Variants in SHC2 observed in about 807,000 individuals in gnomAD.
SHC2 encodes the protein SHC adaptor protein 2.
Under a neutral mutation model 60.6 loss-of-function variants are expected in SHC2, and 62 were observed. The ratio of observed to expected loss-of-function variants is 1.02; its 90% CI spans 0.83 to 1.26. The LOEUF (loss-of-function observed/expected upper bound fraction) is 1.26, where lower values mean the gene tolerates loss of function less well. SHC2 is among the 50% of genes most tolerant of loss of function. SHC2 has a pLI of 0.00. For synonymous variants in SHC2, 375 were observed against 372.4 expected, an observed-to-expected ratio of 1.01 and a Z score of -0.08; for missense variants, 873 against 822.2, an observed-to-expected ratio of 1.06 and a Z score of -0.76.
Position 425,068 on chromosome 19 carries a change from T to C in SHC2, c.1309+29A>G. 7.4e-7 allele frequency: 1 copy of C among 1,358,206 alleles called. No individual in the cohort carries two copies. The highest frequency in any genetic ancestry group is 9.6e-7 in the Non-Finnish European group (1 of 1,046,282). The allele number at this position is 1,358,206 out of a possible 1,614,324, so 84.1% of individuals were successfully genotyped here. A position where few individuals can be genotyped will look rare whatever the true frequency, so the allele number is the denominator to read the frequency against. ...CATCAGACAACACGGCCACACGCGA[T>C]GACGGCCGCCCCCCAGGCTGCCACA... On this transcript the variant is annotated intron_variant, in intron 10 of 12. Transcript: ENST00000264554. This position sits in a 1 kb window ranked among gnomAD's most constrained non-coding sequence, Gnocchi z 4.1.
At position 434,698 on chromosome 19, in the gene SHC2, C is replaced by T. The variant is rs1185864227; in HGVS notation, c.1110+11G>A. 6.2e-7 allele frequency: 1 copy of T among 1,604,324 alleles called. No homozygotes were observed. Among genetic ancestry groups the T allele is most frequent in the Non-Finnish European group, 8.5e-7 (1 of 1,176,486 alleles). ...ATCCCTGTCCCCATCCCCCCGAGGG[C>T]AGAGGCTGACCTGGTCGAGGGCCGT... On this transcript the variant is annotated intron_variant, in intron 8 of 12. Coordinates refer to ENST00000264554, the MANE Select transcript of SHC2 (RefSeq NM_012435.3).
In SHC2 at chr19:440,993, T is replaced by C. The variant is rs1974851522; in HGVS notation, c.469-61A>G. ...ACCCCCGCAGTGGAGCCACGTCCCT[T>C]TTCCCAGCAGCCCTTCGCCGCCTCC... is the stretch of plus-strand genomic sequence containing the variant. On this transcript the variant is annotated intron_variant, in intron 1 of 12. Coordinates refer to ENST00000264554, the MANE Select transcript of SHC2 (RefSeq NM_012435.3). This position sits in a 1 kb window ranked among gnomAD's most constrained non-coding sequence, Gnocchi z 7.0. The C allele has an allele frequency of 6.4e-7, 1 of 1,566,074 alleles. No individual in the cohort carries two copies. Among genetic ancestry groups the C allele is most frequent in the Non-Finnish European group, 8.8e-7 (1 of 1,138,564 alleles).
At chr19:419,517 G>A (rs1235249409) in intron 11 of SHC2, 1 of 152,752 alleles carries the variant, frequency 6.5e-6, no homozygotes, top group Non-Finnish European at 1.5e-5. Flanking sequence ...GTGTCCACGA[G>A]GCTGGCAGCA....
chr19:417,522 C>T (rs769372177), intron 12 of SHC2, among the ~76,000 whole-genome samples, 200 bp from the exon 13 acceptor site: 8 of 152,354 alleles, frequency 5.3e-5, no homozygotes, highest in Non-Finnish European at 1.0e-4. Context: ...TAGGGCAGTG[C>T]CCTAACCTCT....
chr19:438,698 G>C lies in SHC2; in HGVS notation c.720+20C>G, dbSNP rs749177065. The C allele has an allele frequency of 1.0e-5, 16 of 1,547,924 alleles. No individual in the cohort carries two copies. Among genetic ancestry groups the C allele is most frequent in the Non-Finnish European group, 8.7e-6 (10 of 1,146,638 alleles). On this transcript the variant is annotated intron_variant, in intron 4 of 12. Transcript: ENST00000264554. This position sits in a 1 kb window ranked among gnomAD's most constrained non-coding sequence, Gnocchi z 5.0. ...CCCCTCTGGGGGTCTGGGGACGCCA[G>C]GCGAAGAGGGCAGACCCACCTGGCG...
Position 422,240 on chromosome 19 carries a change from A to C in SHC2, c.1526T>G (p.Val509Gly), listed in dbSNP as rs1974292713. 6.2e-7 allele frequency: 1 copy of C among 1,612,474 alleles called. No individual in the cohort carries two copies. Among genetic ancestry groups the C allele is most frequent in the African/African-American group, 1.3e-5 (1 of 75,018 alleles). ...RMLRADGDFL[V>G]RDSVTNPGQY... is the part of the protein sequence containing the mutation. ...CCCGGGGTTGGTGACGCTGTCTCGC[A>C]CAAGGAAGTCCCCGTCAGCTCGAAG... is the stretch of plus-strand genomic sequence containing the variant. Residue 509 changes from valine (V) to glycine (G), a missense_variant, in exon 11 of 13, where the codon GTG (valine) becomes GGG (glycine). By Grantham distance (109) the Val-to-Gly change is moderately radical (BLOSUM62 -3). Transcript: ENST00000264554. The surrounding 1 kb of genome is among the most constrained non-coding windows in gnomAD (Gnocchi z 5.0).
intron 1 of SHC2, among the ~76,000 whole-genome samples, chr19:450,458 C>T (rs964298983): frequency 3.3e-5 from 5 of 152,198 alleles, no homozygotes; most frequent in African/African-American, 1.2e-4. Context: ...TCCAGAACGT[C>T]CTCATCTTCC....
Position 446,531 on chromosome 19 carries a change from G to C in SHC2, c.469-5599C>G, listed in dbSNP as rs1374157523. Among the ~76,000 whole-genome samples, 1 of 151,964 alleles carries C rather than the reference G, an allele frequency of 6.6e-6. No individual in the cohort carries two copies. Among genetic ancestry groups the C allele is most frequent in the Admixed American group, 6.6e-5 (1 of 15,260 alleles). On this transcript the variant is annotated intron_variant, in intron 1 of 12. Transcript: ENST00000264554. This position sits in a 1 kb window ranked among gnomAD's most constrained non-coding sequence, Gnocchi z 5.4. ...TCATCATATTGGCCTCGCTGGTCTC[G>C]ATCTCTTGACCTTGTGATCCGCCTC...
In SHC2 at chr19:438,618, C is replaced by G. The variant is rs914435187; in HGVS notation, c.720+100G>C. The G allele has an allele frequency of 1.5e-5, 20 of 1,365,290 alleles. No homozygotes were observed. The highest frequency in any genetic ancestry group is 2.0e-5 in the Non-Finnish European group (20 of 1,011,784). 84.6% of individuals were successfully genotyped at this position (1,365,290 alleles called of 1,614,324 possible). ...CTCGGCTCGTCTTTCTGGATAAACG[C>G]CACCTGCTGCCCGCCCCCAGCACCC... On this transcript the variant is annotated intron_variant, in intron 4 of 12. Transcript: ENST00000264554. The surrounding 1 kb of genome is among the most constrained non-coding windows in gnomAD (Gnocchi z 5.0).
chr19:417,551 C>T (rs1288434798), intron 12 of SHC2, among the ~76,000 whole-genome samples: 1 of 152,264 alleles, frequency 6.6e-6, no homozygotes, highest in Non-Finnish European at 1.5e-5. Context: ...TCCTCGCGTG[C>T]AAGCAAGAAT....
intron 7 of SHC2, 93 bp from the exon 8 acceptor site, chr19:434,958 G>C: frequency 7.4e-7 from 1 of 1,358,368 alleles, no homozygotes; most frequent in Non-Finnish European, 9.9e-7. Context: ...GGAAATATCT[G>C]AGTTCGAATC....
At chr19:435,660 G>A (rs564621905) in intron 7 of SHC2, 1 of 159,522 alleles carries the variant, frequency 6.3e-6, no homozygotes, top group South Asian at 1.9e-4. Flanking sequence ...GCCTAGATCT[G>A]TGTGGCCCAC....
intron 12 of SHC2, 95 bp downstream of exon 12, chr19:418,827 GA>G: frequency 7.1e-7 from 1 of 1,403,254 alleles, no homozygotes; most frequent in Non-Finnish European, 9.6e-7. Context: ...CCTCTAGAGG[GA>G]AAGGCACGGC....
chr19:434,358 T>C (rs1974656341), intron 8 of SHC2, among the ~76,000 whole-genome samples: 1 of 5,134 alleles, frequency 1.9e-4, no homozygotes, highest in South Asian at 5.8e-3. Context: ...GTGAGTGAGA[T>C]CATGAGATCG....
Position 437,314 on chromosome 19 carries a change from A to G in SHC2, c.721-631T>C, listed in dbSNP as rs532924792. ...CATCTGCGTGCTCGTCTGTGTGCTC[A>G]TCTGCATGCTCATCTGCGTGCTTGT... On this transcript the variant is annotated intron_variant, in intron 4 of 12. Transcript: ENST00000264554. Among the ~76,000 whole-genome samples, 1,146 of 149,052 alleles carry G rather than the reference A, an allele frequency of 7.7e-3. 8 individuals carry two copies. Among genetic ancestry groups the G allele is most frequent in the African/African-American group, 0.016 (640 of 39,832 alleles).
At position 418,791 on chromosome 19, in the gene SHC2, G is replaced by A. The variant is rs138646294; in HGVS notation, c.*5+132C>T. 2.0e-3 allele frequency: 2,041 copies of A among 1,007,238 alleles called. 25 individuals are homozygous for A. In the African/African-American group the frequency reaches 0.029, roughly 14 times the overall value. The allele number at this position is 1,007,238 out of a possible 1,614,324, so 62.4% of individuals were successfully genotyped here. A position where few individuals can be genotyped will look rare whatever the true frequency, so the allele number is the denominator to read the frequency against. ...TTCGACAGAGATGGTTGCACGGCTC[G>A]GATGCTGAACACCCCTGAGTCGTGC... On this transcript the variant is annotated intron_variant, in intron 12 of 12. Transcript: ENST00000264554.
At chr19:456,253 CG>C (rs1975340153) in intron 1 of SHC2, among the ~76,000 whole-genome samples, 1 of 152,176 alleles carries the variant, frequency 6.6e-6, no homozygotes, top group Admixed American at 6.5e-5. Context: ...CAGGAGGGAC[CG>C]GCTGTCCCTG....
In SHC2 at chr19:425,602, A is replaced by G. The variant is rs960024107; in HGVS notation, c.1175-371T>C. On this transcript the variant is annotated intron_variant, in intron 9 of 12. Transcript: ENST00000264554. The surrounding 1 kb of genome is among the most constrained non-coding windows in gnomAD (Gnocchi z 4.1). ...GTGTATGTTCAGTCTCCACATTTAA[A>G]AATAATCACAGTAACTCTGCTTCCC... 6.6e-6 allele frequency among the ~76,000 whole-genome samples: 1 copy of G among 152,226 alleles called. No individual in the cohort carries two copies. Among genetic ancestry groups the G allele is most frequent in the Non-Finnish European group, 1.5e-5 (1 of 68,042 alleles).
chr19:450,167 C>T (rs1490086275), intron 1 of SHC2, among the ~76,000 whole-genome samples: 2 of 152,112 alleles, frequency 1.3e-5, no homozygotes, highest in East Asian at 3.9e-4. Flanking sequence ...GGGCAGCCGG[C>T]GCTACAGGAG....
Sources: allele counts gnomAD v4.1 joint callset (sites outside exome capture counted in the v4.1 genomes callset), GRCh38; gene constraint gnomAD v4.1.1; non-coding constraint Gnocchi (gnomAD v3.1); transcripts MANE v1.5; gene names NCBI Gene and HGNC (gene_info 2026-07-23, HGNC 2026-07-21).